Variants in AP2M1 observed in about 807,000 individuals in gnomAD.
AP2M1 encodes the protein AP-2 complex subunit mu.
In AP2M1, 5 loss-of-function variants were observed where a neutral mutation model predicts 54.5. That is an observed-to-expected ratio of 0.09 (90% CI 0.05 to 0.19). The LOEUF (loss-of-function observed/expected upper bound fraction) is 0.19, where lower values mean the gene tolerates loss of function less well. AP2M1 is among the 10% of genes least tolerant of loss of function. The pLI is 1.00. For synonymous variants in AP2M1, 186 were observed against 208.2 expected (o/e 0.89, Z 0.92); for missense variants, 178 against 580.2 (o/e 0.31, Z 7.12).
In AP2M1 at chr3:184,182,195, C is replaced by T; in HGVS notation, c.1008C>T (p.Ile336=). 1 of 1,614,178 alleles carries T rather than the reference C, an allele frequency of 6.2e-7. No individual in the cohort carries two copies. The highest frequency in any genetic ancestry group is 8.5e-7 in the Non-Finnish European group (1 of 1,180,042). ...TPLNTSGVQV[I]CMKGKAKYKA... The stretch of plus-strand genomic sequence containing the variant: ...TGAACACAAGCGGGGTGCAGGTGAT[C>T]TGCATGAAGGGGAAGGCCAAGTACA... Residue 336 remains isoleucine (I), a synonymous_variant, in exon 10 of 12, where the codon ATC becomes ATT. Transcript: ENST00000292807. This position sits in a 1 kb window ranked among gnomAD's most constrained non-coding sequence, Gnocchi z 5.5.
chr3:184,176,560 G>A (rs1359374728), intron 1 of AP2M1, among the ~76,000 whole-genome samples: 1 of 152,078 alleles, frequency 6.6e-6, no homozygotes, highest in Non-Finnish European at 1.5e-5. Flanking sequence ...AATGCCTACC[G>A]CCATTCCTGC....
Position 184,181,269 on chromosome 3 carries a change from A to C in AP2M1, c.707+43A>C. 6.2e-7 allele frequency: 1 copy of C among 1,611,634 alleles called. No homozygotes were observed. The highest frequency in any genetic ancestry group is 8.5e-7 in the Non-Finnish European group (1 of 1,178,798). On this transcript the variant is annotated intron_variant, in intron 7 of 11. Transcript: ENST00000292807. The surrounding 1 kb of genome is among the most constrained non-coding windows in gnomAD (Gnocchi z 5.7). ...GCTGGTGGGAGAGGGTGTCCCTTGGAGGGCTCAGTGGGGTCTAGTGAACCA... is the reference window on the plus strand; with the variant it reads ...GCTGGTGGGAGAGGGTGTCCCTTGGCGGGCTCAGTGGGGTCTAGTGAACCA...
rs1286938184 is a variant in AP2M1 at position 184,181,063 on chromosome 3, C to T, written c.566-22C>T. ...CTGCCTGCCTGACTCCGCTGCTCCC[C>T]ATTTATCTGTTCCATCACCAGGGCA... On this transcript the variant is annotated intron_variant, in intron 6 of 11. Transcript: ENST00000292807. The surrounding 1 kb of genome is among the most constrained non-coding windows in gnomAD (Gnocchi z 5.7). 6.2e-7 allele frequency: 1 copy of T among 1,614,086 alleles called. No individual in the cohort carries two copies.
At chr3:184,179,658 T>C (rs1715204376) in intron 3 of AP2M1, among the ~76,000 whole-genome samples, 1 of 112,096 alleles carries the variant, frequency 8.9e-6, no homozygotes, top group Non-Finnish European at 1.9e-5. Context: ...TATTGATTTC[T>C]TTTCTTTTTT....
chr3:184,176,742 C>T, intron 1 of AP2M1: 1 of 491,948 alleles, frequency 2.0e-6, no homozygotes, highest in Non-Finnish European at 3.6e-6. Context: ...GAATCCTGGG[C>T]CTAATCTCTC....
rs950030504 is a variant in AP2M1, at chr3:184,180,682, G to C, written c.429+32G>C. 5 of 1,614,202 alleles carry C rather than the reference G, an allele frequency of 3.1e-6. No individual in the cohort carries two copies. Among genetic ancestry groups the C allele is most frequent in the Non-Finnish European group, 4.2e-6 (5 of 1,180,036 alleles). On this transcript the variant is annotated intron_variant, in intron 5 of 11. Transcript: ENST00000292807. This position sits in a 1 kb window ranked among gnomAD's most constrained non-coding sequence, Gnocchi z 4.9. Reference sequence around the variant, plus strand: ...TCTTCCCTCAGCTTCCACCCTTGCAGCTTTGCTTTGTTTCTCCAGGCCCTG... The same window carrying C: ...TCTTCCCTCAGCTTCCACCCTTGCACCTTTGCTTTGTTTCTCCAGGCCCTG...
In AP2M1 at chr3:184,177,393, T is replaced by C. The variant is rs1715108660; in HGVS notation, c.74+326T>C. ...CTTCTTTGAGGAGGAGGAGGAGAAATGTCTCCAGTGGGTGGGGTTAGTGGC... is the reference window on the plus strand; with the variant it reads ...CTTCTTTGAGGAGGAGGAGGAGAAACGTCTCCAGTGGGTGGGGTTAGTGGC... On this transcript the variant is annotated intron_variant, in intron 2 of 11. Coordinates refer to ENST00000292807, the MANE Select transcript of AP2M1 (RefSeq NM_004068.4). 4.5e-6 allele frequency: 3 copies of C among 672,780 alleles called. No homozygotes were observed. The African/African-American group carries it at 5.4e-5, about 12-fold the overall frequency. The allele number at this position is 672,780 out of a possible 1,614,324, so 41.7% of individuals were successfully genotyped here.
At chr3:184,177,177 C>G (rs985385426) in intron 2 of AP2M1, 110 bp downstream of exon 2, 2 of 1,075,804 alleles carry the variant, frequency 1.9e-6, no homozygotes, top group African/African-American at 3.1e-5. Context: ...ACCCTGACCC[C>G]TGGCTGCACC....
chr3:184,182,063 T>C lies in AP2M1; in HGVS notation c.963+16T>C. On this transcript the variant is annotated intron_variant, in intron 9 of 11. Transcript: ENST00000292807. This position sits in a 1 kb window ranked among gnomAD's most constrained non-coding sequence, Gnocchi z 5.5. ...GAAGATCGAGGTGAGGACAGGGGGC[T>C]CAAGGAGGAGGAAGAACTTGTCCCT... The C allele has an allele frequency of 1.2e-6, 2 of 1,612,148 alleles. No individual in the cohort carries two copies. The highest frequency in any genetic ancestry group is 1.1e-5 in the South Asian group (1 of 90,868).
Position 184,181,439 on chromosome 3 carries a change from C to T in AP2M1, c.707+213C>T. ...AGCCCCTTTGTTTGGTCCCTAGGAC[C>T]AAGGCCTTTTCTGTACATACTGACA... is the stretch of plus-strand genomic sequence containing the variant. On this transcript the variant is annotated intron_variant, in intron 7 of 11. Transcript: ENST00000292807. This position sits in a 1 kb window ranked among gnomAD's most constrained non-coding sequence, Gnocchi z 5.7. The T allele has an allele frequency of 1.2e-6, 1 of 857,490 alleles. No homozygotes were observed. Among genetic ancestry groups the T allele is most frequent in the Non-Finnish European group, 1.8e-6 (1 of 569,846 alleles). 53.1% of individuals were successfully genotyped at this position (857,490 alleles called of 1,614,324 possible). A position where few individuals can be genotyped will look rare whatever the true frequency, so the allele number is the denominator to read the frequency against.
At chr3:184,179,143 C>A (rs368164763) in intron 3 of AP2M1, 21 bp downstream of exon 3, 9 of 1,608,338 alleles carry the variant, frequency 5.6e-6, no homozygotes, top group Admixed American at 3.3e-5. Context: ...CGGGCTGGCA[C>A]GGCAGCGGGC....
Position 184,178,167 on chromosome 3 carries a change from C to G in AP2M1, c.75-690C>G. On this transcript the variant is annotated intron_variant, in intron 2 of 11. Transcript: ENST00000292807. The surrounding 1 kb of genome is among the most constrained non-coding windows in gnomAD (Gnocchi z 4.9). ...CCCTCTCTCTCGTTGCTATCACTCT[C>G]CTCTTCTTGCTGGCGTCATTTCTCT... 1 of 1,528,548 alleles carries G rather than the reference C, an allele frequency of 6.5e-7. No individual in the cohort carries two copies. Among genetic ancestry groups the G allele is most frequent in the South Asian group, 1.2e-5 (1 of 83,914 alleles). 94.7% of individuals were successfully genotyped at this position (1,528,548 alleles called of 1,614,324 possible).
At position 184,181,242 on chromosome 3, in the gene AP2M1, G is replaced by C. The variant is rs1429730029; in HGVS notation, c.707+16G>C. Reference sequence around the variant, plus strand: ...CAAGCAAGAGGTGCCTGAGGCAGGAGAGCTGGTGGGAGAGGGTGTCCCTTG... The same window carrying C: ...CAAGCAAGAGGTGCCTGAGGCAGGACAGCTGGTGGGAGAGGGTGTCCCTTG... On this transcript the variant is annotated intron_variant, in intron 7 of 11. Transcript: ENST00000292807. This position sits in a 1 kb window ranked among gnomAD's most constrained non-coding sequence, Gnocchi z 5.7. The C allele has an allele frequency of 1.9e-6, 3 of 1,613,746 alleles. No homozygotes were observed. The highest frequency in any genetic ancestry group is 2.5e-6 in the Non-Finnish European group (3 of 1,179,958).
intron 1 of AP2M1, among the ~76,000 whole-genome samples, chr3:184,175,524 T>G (rs1340694446): frequency 6.6e-6 from 1 of 152,210 alleles, no homozygotes; most frequent in African/African-American, 2.4e-5. Context: ...AAGCAGGCTC[T>G]GTCTCCCCAG....
At chr3:184,175,674 G>A (rs111937603) in intron 1 of AP2M1, among the ~76,000 whole-genome samples, 30 of 152,254 alleles carry the variant, frequency 2.0e-4, no homozygotes, top group Middle Eastern at 3.4e-3. Flanking sequence ...TGAGGACGCT[G>A]CCTGGCTTTC....
chr3:184,174,899 G>T lies in AP2M1; in HGVS notation c.-104G>T, dbSNP rs1482702449. 9 of 398,456 alleles carry T rather than the reference G, an allele frequency of 2.3e-5. No individual in the cohort carries two copies. The highest frequency in any genetic ancestry group is 8.8e-6 in the Non-Finnish European group (2 of 225,998). The allele number at this position is 398,456 out of a possible 1,614,324, so 24.7% of individuals were successfully genotyped here. A position where few individuals can be genotyped will look rare whatever the true frequency, so the allele number is the denominator to read the frequency against. On this transcript the variant is annotated 5_prime_UTR_variant, in exon 1 of 12. Coordinates refer to ENST00000292807, the MANE Select transcript of AP2M1 (RefSeq NM_004068.4). ...CAGCGGGCAGACGAGCAGGGGGCGG[G>T]CGGACATCTTGGGATCCGGAGAGTG...
At chr3:184,175,524 T>C (rs1340694446) in intron 1 of AP2M1, among the ~76,000 whole-genome samples, 2 of 152,210 alleles carry the variant, frequency 1.3e-5, no homozygotes, top group African/African-American at 4.8e-5. Context: ...AAGCAGGCTC[T>C]GTCTCCCCAG....
rs938307303 is a variant in AP2M1 at position 184,174,857 on chromosome 3, T to G, written c.-146T>G. ...CGGGGCCGGGGCGGGGCGGCGGCAC[T>G]GCGGTGAAAGCCGAGGCAGCGGGCA... On this transcript the variant is annotated 5_prime_UTR_variant, in exon 1 of 12. Coordinates refer to ENST00000292807, the MANE Select transcript of AP2M1 (RefSeq NM_004068.4). 2.5e-6 allele frequency: 1 copy of G among 397,578 alleles called. No homozygotes were observed. The highest frequency in any genetic ancestry group is 3.6e-5 in the East Asian group (1 of 28,062). 24.6% of individuals were successfully genotyped at this position (397,578 alleles called of 1,614,324 possible). A position where few individuals can be genotyped will look rare whatever the true frequency, so the allele number is the denominator to read the frequency against.
At position 184,182,298 on chromosome 3, in the gene AP2M1, C is replaced by G; in HGVS notation, c.1061+50C>G. 8.3e-6 allele frequency: 13 copies of G among 1,574,946 alleles called. No individual in the cohort carries two copies. The highest frequency in any genetic ancestry group is 1.1e-5 in the Non-Finnish European group (13 of 1,155,352). Reference sequence around the variant, plus strand: ...CAGCAGGGCTCAAGATCCCAGTATACCCTCTTGTTTTCAGCTTTGATCCTT... The same window carrying G: ...CAGCAGGGCTCAAGATCCCAGTATAGCCTCTTGTTTTCAGCTTTGATCCTT... On this transcript the variant is annotated intron_variant, in intron 10 of 11. Transcript: ENST00000292807. This position sits in a 1 kb window ranked among gnomAD's most constrained non-coding sequence, Gnocchi z 5.5.
Sources: gnomAD v4.1 joint callset for allele counts (sites outside exome capture counted in the v4.1 genomes callset) on GRCh38, gnomAD v4.1.1 for gene constraint, Gnocchi (gnomAD v3.1) non-coding constraint, MANE v1.5 for transcripts, NCBI Gene and HGNC (gene_info 2026-07-23, HGNC 2026-07-21) for gene names.